The following CSMD1 variants were observed in gnomAD, a reference collection of about 807,000 sequenced individuals.
The protein encoded by CSMD1 is CUB and sushi domain-containing protein 1.
In CSMD1, 213 loss-of-function variants were observed where a neutral mutation model predicts 417.5. The observed-to-expected ratio is 0.51, with a 90% CI of 0.46 to 0.57. CSMD1 has a LOEUF of 0.57. Among genes scored for constraint, CSMD1 ranks in the 20% least tolerant of loss-of-function variants. The pLI is 0.00. For missense variants in CSMD1, 6,923 were observed against 4,529.7 expected (o/e 1.53, Z -15.17); for synonymous variants, 2,862 against 1,736.8 (o/e 1.65, Z -16.11).
chr8:4,829,737 C>CA (rs11290763), intron 1 of CSMD1, among the ~76,000 whole-genome samples: 289 of 109,928 alleles, frequency 2.6e-3, no homozygotes, highest in South Asian at 0.023. Flanking sequence ...GACCCTGTCT[C>CA]AAAAAAAAAA....
chr8:4,880,537 T>G (rs77115709), intron 1 of CSMD1, among the ~76,000 whole-genome samples: 4,526 of 152,128 alleles, frequency 0.03, 220 homozygotes, highest in African/African-American at 0.095. Context: ...ACCTTTTCCT[T>G]CGCCTCCTCC....
chr8:3,904,549 T>C (rs921635035), intron 5 of CSMD1, among the ~76,000 whole-genome samples: 5 of 152,196 alleles, frequency 3.3e-5, no homozygotes, highest in Admixed American at 6.5e-5. Flanking sequence ...AGCTGTTGTA[T>C]GTGAAACACA....
At chr8:4,432,033 G>T (rs1015788995) in intron 2 of CSMD1, among the ~76,000 whole-genome samples, 9 of 152,144 alleles carry the variant, frequency 5.9e-5, no homozygotes, top group South Asian at 2.1e-4. Flanking sequence ...GCAAAAATGT[G>T]TAAGGAGATT....
chr8:4,227,053 G>T (rs1431251917), intron 3 of CSMD1, among the ~76,000 whole-genome samples: 3 of 151,936 alleles, frequency 2.0e-5, no homozygotes, highest in Non-Finnish European at 4.4e-5. Context: ...CTCTAAGACT[G>T]AACGACTCTG....
At chr8:3,586,739 G>C (rs1800618419) in intron 8 of CSMD1, among the ~76,000 whole-genome samples, 1 of 152,140 alleles carries the variant, frequency 6.6e-6, no homozygotes, top group African/African-American at 2.4e-5. Flanking sequence ...ATATTTAAAA[G>C]AAAGCTAGTG....
intron 2 of CSMD1, among the ~76,000 whole-genome samples, chr8:4,613,276 C>T (rs547084370): frequency 5.9e-5 from 9 of 152,296 alleles, no homozygotes; most frequent in Non-Finnish European, 1.0e-4. Context: ...AGCCAAGGCA[C>T]GCCATCCATG....
chr8:4,854,728 C>A (rs904757083), intron 1 of CSMD1, among the ~76,000 whole-genome samples: 1 of 152,170 alleles, frequency 6.6e-6, no homozygotes, highest in Non-Finnish European at 1.5e-5. Flanking sequence ...CGGTGCACCA[C>A]GAGATTCTAT....
At chr8:3,999,955 G>C (rs774301689) in intron 4 of CSMD1, among the ~76,000 whole-genome samples, 6 of 152,184 alleles carry the variant, frequency 3.9e-5, no homozygotes, top group Admixed American at 6.5e-5. Context: ...TAATTATTAA[G>C]TGCACAGATT....
intron 5 of CSMD1, among the ~76,000 whole-genome samples, chr8:3,791,618 G>T (rs113584085): frequency 6.6e-6 from 1 of 152,182 alleles, no homozygotes; most frequent in Non-Finnish European, 1.5e-5. Flanking sequence ...GAAGTCAGGA[G>T]TTCAAGACCA....
At chr8:4,813,652 T>A (rs1413878823) in intron 1 of CSMD1, among the ~76,000 whole-genome samples, 1 of 152,166 alleles carries the variant, frequency 6.6e-6, no homozygotes, top group African/African-American at 2.4e-5. Flanking sequence ...TAACATCAAT[T>A]TACACGTTGC....
At chr8:3,923,455 T>C (rs752353288) in intron 5 of CSMD1, among the ~76,000 whole-genome samples, 1 of 152,226 alleles carries the variant, frequency 6.6e-6, no homozygotes, top group African/African-American at 2.4e-5. Flanking sequence ...GCTTATTATA[T>C]CTGCATTGCC....
At chr8:3,989,985 C>T (rs1318447667) in intron 5 of CSMD1, among the ~76,000 whole-genome samples, 1 of 152,162 alleles carries the variant, frequency 6.6e-6, no homozygotes, top group Non-Finnish European at 1.5e-5. Context: ...TCAAAATGTA[C>T]AATTGGAACA....
chr8:4,244,604 G>T (rs892818191), intron 3 of CSMD1, among the ~76,000 whole-genome samples: 6 of 151,746 alleles, frequency 4.0e-5, no homozygotes, highest in South Asian at 2.1e-4. Flanking sequence ...CTGTCTCCCA[G>T]AAAAACAGTG....
At chr8:3,576,058 C>G (rs950485077) in intron 9 of CSMD1, among the ~76,000 whole-genome samples, 8 of 152,020 alleles carry the variant, frequency 5.3e-5, no homozygotes, top group African/African-American at 1.7e-4. Flanking sequence ...GATTAATCCT[C>G]GTCATAGCCC....
chr8:3,299,853 T>G (rs768385824), intron 25 of CSMD1, among the ~76,000 whole-genome samples: 3 of 152,244 alleles, frequency 2.0e-5, no homozygotes, highest in Non-Finnish European at 4.4e-5. Flanking sequence ...TTGTCCAGTT[T>G]CAGAGAGAAT....
chr8:4,179,017 C>G (rs1244514418), intron 3 of CSMD1, among the ~76,000 whole-genome samples: 2 of 151,830 alleles, frequency 1.3e-5, no homozygotes, highest in Non-Finnish European at 2.9e-5. Flanking sequence ...GTAATTTATA[C>G]ATTCAATGCC....
chr8:2,994,212 A>T (rs1806672956), intron 54 of CSMD1, among the ~76,000 whole-genome samples: 1 of 151,836 alleles, frequency 6.6e-6, no homozygotes, highest in South Asian at 2.1e-4. Context: ...AAAGAAAGTA[A>T]GAAAACAACA....
In CSMD1 at chr8:3,733,935, C is replaced by T. The variant is rs113157041; in HGVS notation, c.931+19995G>A. The stretch of plus-strand genomic sequence containing the variant: ...TAGGGTTTGGTGTTAGCCACAGTTT[C>T]GGCCATCCACTGGGGTCCTGAAACT... On this transcript the variant is annotated intron_variant, in intron 6 of 69. Transcript: ENST00000635120. Among the ~76,000 whole-genome samples the T allele has an allele frequency of 4.0e-3, 614 of 152,142 alleles. 4 individuals carry two copies. Among genetic ancestry groups the T allele is most frequent in the Middle Eastern group, 0.01 (3 of 294 alleles).
chr8:4,485,804 G>C (rs920910485), intron 2 of CSMD1, among the ~76,000 whole-genome samples: 2 of 151,918 alleles, frequency 1.3e-5, no homozygotes, highest in Admixed American at 6.6e-5. Context: ...ACTGACAAAA[G>C]AAATGGCAAA....
Sources: gnomAD v4.1 joint callset for allele counts (sites outside exome capture counted in the v4.1 genomes callset) on GRCh38, gnomAD v4.1.1 for gene constraint, MANE v1.5 for transcripts, NCBI Gene and HGNC (gene_info 2026-07-23, HGNC 2026-07-21) for gene names.